EHHADH: variants seen among roughly 807,000 people sequenced by gnomAD.
EHHADH encodes the protein enoyl-CoA hydratase and 3-hydroxyacyl CoA dehydrogenase, also known as peroxisomal bifunctional enzyme.
A neutral mutation model predicts 64.4 loss-of-function variants in EHHADH; 48 were observed. The ratio of observed to expected loss-of-function variants is 0.75; its 90% CI spans 0.59 to 0.95. EHHADH has a LOEUF of 0.95. Ranked by LOEUF, EHHADH falls within the 40% of genes least tolerant of loss-of-function variation. The pLI is 0.00. For synonymous variants in EHHADH, 308 were observed against 326.7 expected (o/e 0.94, Z 0.62); for missense variants, 854 against 876.6 (o/e 0.97, Z 0.33).
chr3:185,213,488 AT>A (rs1349559699), intron 5 of EHHADH, among the ~76,000 whole-genome samples: 8 of 152,218 alleles, frequency 5.3e-5, no homozygotes, highest in African/African-American at 1.9e-4. Context: ...ATGCATATAT[AT>A]TTAATGTAAT....
intron 6 of EHHADH, among the ~76,000 whole-genome samples, chr3:185,196,407 A>T (rs1718065796): frequency 6.6e-6 from 1 of 152,238 alleles, no homozygotes; most frequent in Non-Finnish European, 1.5e-5. Flanking sequence ...ATAAAATACG[A>T]GGCGGGTAGA....
At chr3:185,209,585 C>T (rs1189516531) in intron 5 of EHHADH, among the ~76,000 whole-genome samples, 1 of 152,176 alleles carries the variant, frequency 6.6e-6, no homozygotes, top group African/African-American at 2.4e-5. Context: ...TGAACATAAG[C>T]GCATCTGGCA....
chr3:185,253,346 G>A (rs1378456496), intron 1 of EHHADH: 1 of 145,288 alleles, frequency 6.9e-6, no homozygotes, highest in East Asian at 2.1e-4. Flanking sequence ...GAGTGAGGCT[G>A]GATCAAAGTC....
rs760094216 is a variant in EHHADH at position 185,204,468 on chromosome 3, T to A, written c.858A>T (p.Gly286=). 6.2e-7 allele frequency: 1 copy of A among 1,613,718 alleles called. No homozygotes were observed. The highest frequency in any genetic ancestry group is 1.3e-5 in the African/African-American group (1 of 74,918). The part of the protein sequence containing the change: ...RKANKWSTPS[G]ASWKTASARP... ...GCGCTGATGCTGTTTTCCACGATGC[T>A]CCGGAGGGAGTTGACCACTTATTTG... Residue 286 remains glycine (G), a synonymous_variant, in exon 6 of 7, where the codon GGA becomes GGT. Coordinates refer to ENST00000231887, the MANE Select transcript of EHHADH (RefSeq NM_001966.4).
At chr3:185,215,786 A>C (rs1420187734) in intron 5 of EHHADH, among the ~76,000 whole-genome samples, 1 of 152,218 alleles carries the variant, frequency 6.6e-6, no homozygotes, top group East Asian at 1.9e-4. Context: ...ATTTTGGAGA[A>C]AAACTAACAT....
intron 1 of EHHADH, among the ~76,000 whole-genome samples, chr3:185,249,682 C>T (rs1366953350): frequency 6.6e-6 from 1 of 152,216 alleles, no homozygotes; most frequent in Non-Finnish European, 1.5e-5. Context: ...CCCAGGCTTC[C>T]CCAGCCATGT....
At position 185,204,693 on chromosome 3, in the gene EHHADH, GCTGT is replaced by G. The variant is rs756975818; in HGVS notation, c.629_632del (p.Asp210AlafsTer8). 1 of 1,614,194 alleles carries G rather than the reference GCTGT, an allele frequency of 6.2e-7. No homozygotes were observed. Among genetic ancestry groups the G allele is most frequent in the South Asian group, 1.1e-5 (1 of 91,084 alleles). ...TCTTCAAGAGGGCCTCACTAAAAAT[GCTGT>G]CCATGTTGGGCAAGCTCTGAATTGG... is the stretch of plus-strand genomic sequence containing the variant. On this transcript the variant is annotated frameshift_variant, in exon 6 of 7. Coordinates refer to ENST00000231887, the MANE Select transcript of EHHADH (RefSeq NM_001966.4). LOFTEE classifies it high-confidence loss of function.
rs1717839589 is a variant in EHHADH at position 185,190,741 on chromosome 3, C to T, written c.*1485G>A. ...TGTGCTCTGTACAATTCAAGGCACACTTGGATTTTTTGTTGGTTTTTTGTT... is the reference window on the plus strand; with the variant it reads ...TGTGCTCTGTACAATTCAAGGCACATTTGGATTTTTTGTTGGTTTTTTGTT... On this transcript the variant is annotated 3_prime_UTR_variant, in exon 7 of 7. Transcript: ENST00000231887. The T allele has an allele frequency of 6.6e-6, 1 of 152,142 alleles. No homozygotes were observed. The highest frequency in any genetic ancestry group is 2.1e-4 in the South Asian group (1 of 4,828). The allele number at this position is 152,142 out of a possible 1,614,324, so 9.4% of individuals were successfully genotyped here.
chr3:185,239,147 C>T (rs888339757), intron 2 of EHHADH, among the ~76,000 whole-genome samples: 3 of 152,066 alleles, frequency 2.0e-5, no homozygotes, highest in Non-Finnish European at 2.9e-5. Context: ...GTCTATGTGT[C>T]TATTTTTGTA....
chr3:185,240,475 T>C (rs894974486), intron 2 of EHHADH, among the ~76,000 whole-genome samples: 1 of 152,056 alleles, frequency 6.6e-6, no homozygotes, highest in African/African-American at 2.4e-5. Context: ...AGGATTTCTA[T>C]TTCTTCCTGA....
chr3:185,199,742 T>A (rs997582668), intron 6 of EHHADH, among the ~76,000 whole-genome samples: 2 of 152,186 alleles, frequency 1.3e-5, no homozygotes, highest in African/African-American at 4.8e-5. Flanking sequence ...TTTTGTTTTG[T>A]TTTGTATTTT....
chr3:185,231,885 T>C (rs1275301131), intron 3 of EHHADH, among the ~76,000 whole-genome samples: 1 of 152,230 alleles, frequency 6.6e-6, no homozygotes. Context: ...GTTGCACAAC[T>C]CTGAGAATAT....
At chr3:185,226,157 A>G (rs374695786) in intron 4 of EHHADH, among the ~76,000 whole-genome samples, 7 of 152,208 alleles carry the variant, frequency 4.6e-5, no homozygotes, top group African/African-American at 1.7e-4. Flanking sequence ...CATAGCCAAT[A>G]GGAGAGTTTA....
chr3:185,226,665 AAAG>A (rs1375743541), intron 4 of EHHADH, among the ~76,000 whole-genome samples: 612 of 24,096 alleles, frequency 0.025, 2 homozygotes, highest in Non-Finnish European at 0.11. Context: ...AAAAAAAAAA[AAAG>A]AAAGAAAGAA....
chr3:185,250,506 A>C (rs1719717257), intron 1 of EHHADH, among the ~76,000 whole-genome samples: 1 of 152,180 alleles, frequency 6.6e-6, no homozygotes, highest in Non-Finnish European at 1.5e-5. Flanking sequence ...AAAAGGAAAA[A>C]CCACAGAACC....
At chr3:185,240,567 G>A (rs1719421409) in intron 2 of EHHADH, among the ~76,000 whole-genome samples, 1 of 151,606 alleles carries the variant, frequency 6.6e-6, no homozygotes, top group Non-Finnish European at 1.5e-5. Context: ...GTAGAGATGT[G>A]CACAGTAGTC....
In EHHADH at chr3:185,223,588, T is replaced by G. The variant is rs374826517; in HGVS notation, c.464-5348A>C. On this transcript the variant is annotated intron_variant, in intron 4 of 6. Coordinates refer to ENST00000231887, the MANE Select transcript of EHHADH (RefSeq NM_001966.4). ...CCTGAGAGCCTTGAGGTGCTAGTAC[T>G]AAAAAATGTATAGCGAAAACCCACC... Among the ~76,000 whole-genome samples, 191 of 152,280 alleles carry G rather than the reference T, an allele frequency of 1.3e-3. 2 individuals carry two copies. The highest frequency in any genetic ancestry group is 4.2e-3 in the African/African-American group (174 of 41,562).
chr3:185,226,367 G>T (rs991110560), intron 4 of EHHADH, among the ~76,000 whole-genome samples: 1 of 152,178 alleles, frequency 6.6e-6, no homozygotes, highest in Non-Finnish European at 1.5e-5. Context: ...AGATCCTCCA[G>T]GCCGGGCACA....
At chr3:185,243,010 G>T (rs571126822) in intron 2 of EHHADH, among the ~76,000 whole-genome samples, 5 of 152,290 alleles carry the variant, frequency 3.3e-5, no homozygotes, top group African/African-American at 1.2e-4. Flanking sequence ...GCCTGCCTGG[G>T]GACCCAGCAA....
Sources: allele counts gnomAD v4.1 joint callset (sites outside exome capture counted in the v4.1 genomes callset), GRCh38; gene constraint gnomAD v4.1.1; transcripts MANE v1.5; gene names NCBI Gene and HGNC (gene_info 2026-07-23, HGNC 2026-07-21).